ENOX1: variants seen among roughly 807,000 people sequenced by gnomAD.
ENOX1 encodes the protein candidate growth-related and time keeping constitutive hydroquinone (NADH) oxidase.
ENOX1 carries 42 observed loss-of-function variants against 82.5 expected under a neutral mutation model. That is an observed-to-expected ratio of 0.51 (90% CI 0.40 to 0.66). The LOEUF (loss-of-function observed/expected upper bound fraction) is 0.66, where lower values mean the gene tolerates loss of function less well. ENOX1 is among the 30% of genes least tolerant of loss of function. The pLI, the probability that ENOX1 is intolerant of heterozygous loss-of-function variation, is 0.00. For missense variants in ENOX1, 608 were observed against 811.6 expected, an observed-to-expected ratio of 0.75 and a Z score of 3.05; for synonymous variants, 271 against 282.2, an observed-to-expected ratio of 0.96 and a Z score of 0.40.
At chr13:43,575,847 G>A (rs2080398304) in intron 2 of ENOX1, among the ~76,000 whole-genome samples, 1 of 152,200 alleles carries the variant, frequency 6.6e-6, no homozygotes, top group African/African-American at 2.4e-5. Flanking sequence ...TCATGATGGT[G>A]ACAAGGGATG....
chr13:43,611,425 C>T (rs1248525325), intron 2 of ENOX1, among the ~76,000 whole-genome samples: 1 of 152,170 alleles, frequency 6.6e-6, no homozygotes, highest in Non-Finnish European at 1.5e-5. Context: ...TGTCAGAATG[C>T]ATCCGTCATT....
At chr13:43,594,197 T>G (rs949469217) in intron 2 of ENOX1, among the ~76,000 whole-genome samples, 5 of 152,160 alleles carry the variant, frequency 3.3e-5, no homozygotes, top group African/African-American at 1.2e-4. Flanking sequence ...ATTCTTTGAT[T>G]TGGGTGATAG....
In ENOX1 at chr13:43,330,006, T is replaced by C. The variant is rs141137823; in HGVS notation, c.1037-3481A>G. On this transcript the variant is annotated intron_variant, in intron 9 of 16. Coordinates refer to ENST00000690772, the MANE Select transcript of ENOX1 (RefSeq NM_001347969.2). ...TGAATGTCATTCAAAGACAGCATACTTTTAAGCTCATAAATCAGGATGACT... is the reference window on the plus strand; with the variant it reads ...TGAATGTCATTCAAAGACAGCATACCTTTAAGCTCATAAATCAGGATGACT... 4.6e-3 allele frequency among the ~76,000 whole-genome samples: 708 copies of C among 152,320 alleles called. 8 individuals carry two copies. Among genetic ancestry groups the C allele is most frequent in the African/African-American group, 0.016 (679 of 41,574 alleles).
intron 5 of ENOX1, among the ~76,000 whole-genome samples, chr13:43,363,782 A>G (rs189100770): frequency 2.4e-3 from 359 of 152,358 alleles, no homozygotes; most frequent in African/African-American, 7.6e-3. Context: ...CATTCTCTTT[A>G]GTTGTTAACA....
chr13:43,338,771 T>C lies in ENOX1; in HGVS notation c.1036+5767A>G, dbSNP rs537383263. The stretch of plus-strand genomic sequence containing the variant: ...CGCCATCTCGGCTCACTGCAAGCTC[T>C]GTCTCCCAGGTTCACGCCATTCTCC... On this transcript the variant is annotated intron_variant, in intron 9 of 16. Coordinates refer to ENST00000690772, the MANE Select transcript of ENOX1 (RefSeq NM_001347969.2). Among the ~76,000 whole-genome samples the C allele has an allele frequency of 3.5e-3, 507 of 145,434 alleles. 2 individuals carry two copies. Among genetic ancestry groups the C allele is most frequent in the African/African-American group, 0.012 (488 of 39,536 alleles).
chr13:43,261,895 C>T lies in ENOX1; in HGVS notation c.1611+3503G>A, dbSNP rs1451634490. On this transcript the variant is annotated intron_variant, in intron 14 of 16. Coordinates refer to ENST00000690772, the MANE Select transcript of ENOX1 (RefSeq NM_001347969.2). ...GGGAGATATACCTAAGGCTAGATGA[C>T]GAGTTAGTGGGTGCAGCGCACCAGC... Among the ~76,000 whole-genome samples the T allele has an allele frequency of 1.4e-5, 2 of 147,500 alleles. 1 individual carries two copies. The highest frequency in any genetic ancestry group is 5.0e-5 in the African/African-American group (2 of 39,808).
intron 12 of ENOX1, among the ~76,000 whole-genome samples, chr13:43,293,541 AC>A (rs1480684691): frequency 2.0e-5 from 3 of 152,068 alleles, no homozygotes; most frequent in Admixed American, 6.6e-5. Context: ...CACCATCACC[AC>A]CACCCCTAAC....
intron 3 of ENOX1, among the ~76,000 whole-genome samples, chr13:43,461,838 T>C (rs1158498750): frequency 6.6e-6 from 1 of 152,200 alleles, no homozygotes; most frequent in Non-Finnish European, 1.5e-5. Flanking sequence ...CACAGAACCT[T>C]GTATGAGACC....
chr13:43,343,024 A>G (rs111502041), intron 9 of ENOX1, among the ~76,000 whole-genome samples: 1,995 of 152,330 alleles, frequency 0.013, 51 homozygotes, highest in African/African-American at 0.045. Flanking sequence ...TTCCTTGCTC[A>G]TTAGGACTAT....
chr13:43,583,002 CAG>C (rs59910789), intron 2 of ENOX1, among the ~76,000 whole-genome samples: 19,661 of 151,410 alleles, frequency 0.13, 1,767 homozygotes, highest in East Asian at 0.46. Context: ...GACAGACAGA[CAG>C]ACACACACAC....
intron 1 of ENOX1, among the ~76,000 whole-genome samples, chr13:43,772,928 G>A (rs929305275): frequency 1.3e-5 from 2 of 152,054 alleles, no homozygotes; most frequent in Non-Finnish European, 2.9e-5. Flanking sequence ...AATAGTGTAT[G>A]GATCACCCTT....
intron 2 of ENOX1, among the ~76,000 whole-genome samples, chr13:43,579,621 C>T (rs2080611979): frequency 6.6e-6 from 1 of 152,142 alleles, no homozygotes; most frequent in South Asian, 2.1e-4. Flanking sequence ...CACAAGGAAT[C>T]AGGGTGGAGG....
rs565880829 is a variant in ENOX1, at chr13:43,271,980, AT to A, written c.1447-2404del. Among the ~76,000 whole-genome samples the A allele has an allele frequency of 1.4e-3, 208 of 152,074 alleles. 4 individuals carry two copies. Among genetic ancestry groups the A allele is most frequent in the Non-Finnish European group, 2.8e-4 (19 of 67,966 alleles). ...GTTTTTAAGATCCATCCATGTTACTATTTTTTTGTTAATGAATTTATTTAAA... is the reference window on the plus strand; with the variant it reads ...GTTTTTAAGATCCATCCATGTTACTATTTTTTGTTAATGAATTTATTTAAA... On this transcript the variant is annotated intron_variant, in intron 12 of 16. Transcript: ENST00000690772.
intron 2 of ENOX1, among the ~76,000 whole-genome samples, chr13:43,587,961 AATCTAT>A: frequency 6.6e-6 from 1 of 151,808 alleles, no homozygotes; most frequent in Non-Finnish European, 1.5e-5. Context: ...CAAAAAAAAA[AATCTAT>A]AACAGGAAAG....
rs117061892 is a variant in ENOX1 at position 43,282,442 on chromosome 13, A to G, written c.1447-12865T>C. Among the ~76,000 whole-genome samples, 294 of 147,860 alleles carry G rather than the reference A, an allele frequency of 2.0e-3. 5 individuals carry two copies. Among genetic ancestry groups the G allele is most frequent in the South Asian group, 0.013 (59 of 4,654 alleles). ...CTGAATGAGTTAGTTAAAGATTGGTATTCTTTTTTCTTTTTTTTTTTTTGA... is the reference window on the plus strand; with the variant it reads ...CTGAATGAGTTAGTTAAAGATTGGTGTTCTTTTTTCTTTTTTTTTTTTTGA... On this transcript the variant is annotated intron_variant, in intron 12 of 16. Transcript: ENST00000690772.
chr13:43,397,490 G>A (rs1202423372), intron 5 of ENOX1, among the ~76,000 whole-genome samples: 3 of 152,194 alleles, frequency 2.0e-5, no homozygotes, highest in Non-Finnish European at 4.4e-5. Context: ...TGGCTAGGAT[G>A]CATTAACTGA....
At chr13:43,582,138 C>T (rs1352860239) in intron 2 of ENOX1, among the ~76,000 whole-genome samples, 4 of 151,860 alleles carry the variant, frequency 2.6e-5, no homozygotes, top group African/African-American at 9.7e-5. Context: ...CTATCAATAT[C>T]TAACAAAACT....
chr13:43,387,574 T>C (rs536805650), intron 5 of ENOX1, among the ~76,000 whole-genome samples: 1 of 152,176 alleles, frequency 6.6e-6, no homozygotes, highest in African/African-American at 2.4e-5. Context: ...TTTATGCCTA[T>C]TGACTTTCTG....
At chr13:43,389,240 G>C (rs1407476578) in intron 5 of ENOX1, among the ~76,000 whole-genome samples, 1 of 152,046 alleles carries the variant, frequency 6.6e-6, no homozygotes, top group Admixed American at 6.6e-5. Context: ...TAGTCCAAAT[G>C]GGAAATAAGA....
Sources: gnomAD v4.1 joint callset for allele counts (sites outside exome capture counted in the v4.1 genomes callset) on GRCh38, gnomAD v4.1.1 for gene constraint, MANE v1.5 for transcripts, NCBI Gene and HGNC (gene_info 2026-07-23, HGNC 2026-07-21) for gene names.